The following DENND1A variants were observed in gnomAD, a reference collection of about 807,000 sequenced individuals.
DENND1A encodes the protein DENN domain containing 1A, also known as DENN domain-containing protein 1A.
Under a neutral mutation model 113.7 loss-of-function variants are expected in DENND1A, and 51 were observed. The observed-to-expected ratio is 0.45, with a 90% CI of 0.36 to 0.57. The LOEUF is 0.57. DENND1A is among the 20% of genes least tolerant of loss of function. The pLI, the probability that DENND1A is intolerant of heterozygous loss-of-function variation, is 0.00. For synonymous variants in DENND1A, 565 were observed against 570.8 expected (o/e 0.99, Z 0.14); for missense variants, 1,258 against 1,395.9 (o/e 0.90, Z 1.57).
intron 9 of DENND1A, among the ~76,000 whole-genome samples, chr9:123,637,157 C>T (rs2061748581): frequency 6.6e-6 from 1 of 152,226 alleles, no homozygotes; most frequent in South Asian, 2.1e-4. Flanking sequence ...ATCAAACCAA[C>T]ACCTGCTTCA....
chr9:123,594,272 A>G (rs904495473), intron 11 of DENND1A, among the ~76,000 whole-genome samples: 1 of 152,178 alleles, frequency 6.6e-6, no homozygotes, highest in Non-Finnish European at 1.5e-5. Context: ...TTACTGACAC[A>G]CACAACAACA....
chr9:123,718,245 G>T (rs1453885635), intron 5 of DENND1A, among the ~76,000 whole-genome samples: 2 of 152,330 alleles, frequency 1.3e-5, no homozygotes, highest in East Asian at 3.9e-4. Context: ...AAATGCATTA[G>T]TGTTAAGGTG....
intron 5 of DENND1A, among the ~76,000 whole-genome samples, chr9:123,711,177 T>C (rs1404308652): frequency 3.3e-5 from 5 of 151,786 alleles, no homozygotes; most frequent in Non-Finnish European, 5.9e-5. Context: ...TTAAAAAATA[T>C]ATAGAGGCCA....
chr9:123,756,800 G>A (rs2070594439), intron 5 of DENND1A, among the ~76,000 whole-genome samples: 2 of 152,176 alleles, frequency 1.3e-5, no homozygotes, highest in South Asian at 4.1e-4. Flanking sequence ...AGAGACTAGT[G>A]CCGCAGAGAG....
intron 5 of DENND1A, among the ~76,000 whole-genome samples, chr9:123,684,217 C>T (rs1469766218): frequency 6.6e-6 from 1 of 152,098 alleles, no homozygotes; most frequent in African/African-American, 2.4e-5. Context: ...ACACGTGAAC[C>T]CTTAAAATTG....
At chr9:123,467,954 C>G (rs1468733789) in intron 13 of DENND1A, among the ~76,000 whole-genome samples, 1 of 152,232 alleles carries the variant, frequency 6.6e-6, no homozygotes, top group East Asian at 1.9e-4. Flanking sequence ...TCCTGGCTGC[C>G]TTCTTCATGG....
intron 18 of DENND1A, among the ~76,000 whole-genome samples, chr9:123,443,013 G>T (rs1463713490): frequency 6.6e-6 from 1 of 152,162 alleles, no homozygotes; most frequent in African/African-American, 2.4e-5. Context: ...CTACCCCTGT[G>T]CTTTTCCAGA....
chr9:123,710,726 G>A (rs2066527293), intron 5 of DENND1A, among the ~76,000 whole-genome samples: 3 of 149,990 alleles, frequency 2.0e-5, no homozygotes, highest in Admixed American at 2.0e-4. Flanking sequence ...AGGCTGGAGT[G>A]CAGTAGCATG....
chr9:123,620,213 C>CAAAAAAAAAAAAAAAAAAAAA (rs34196587), intron 10 of DENND1A, among the ~76,000 whole-genome samples: 19 of 59,026 alleles, frequency 3.2e-4, no homozygotes, highest in South Asian at 7.0e-4. Context: ...GACTCCATCT[C>CAAAAAAAAAAAAAAAAAAAAA]AAAAAAAAAA....
chr9:123,867,792 T>C (rs980741658), intron 2 of DENND1A, among the ~76,000 whole-genome samples: 6 of 152,170 alleles, frequency 3.9e-5, no homozygotes, highest in Admixed American at 1.3e-4. Context: ...TATTGGTTCA[T>C]GAATGGGTAC....
intron 1 of DENND1A, among the ~76,000 whole-genome samples, chr9:123,922,528 C>G (rs1225878352): frequency 6.6e-6 from 1 of 152,228 alleles, no homozygotes; most frequent in Non-Finnish European, 1.5e-5. Flanking sequence ...AGAGATATCA[C>G]TGTTCTAAAC....
At chr9:123,446,349 G>C (rs1438151052) in intron 18 of DENND1A, among the ~76,000 whole-genome samples, 1 of 152,198 alleles carries the variant, frequency 6.6e-6, no homozygotes, top group East Asian at 1.9e-4. Context: ...AATGTGTCGG[G>C]AGACAGGGAG....
intron 12 of DENND1A, among the ~76,000 whole-genome samples, chr9:123,581,183 T>G (rs1215193920): frequency 6.6e-6 from 1 of 151,966 alleles, no homozygotes; most frequent in South Asian, 2.1e-4. Flanking sequence ...AAGACCATCC[T>G]CAGAGTGGCA....
chr9:123,852,083 A>G (rs1484715679), intron 2 of DENND1A, among the ~76,000 whole-genome samples: 1 of 152,134 alleles, frequency 6.6e-6, no homozygotes, highest in Non-Finnish European at 1.5e-5. Context: ...CCCCTTTTAA[A>G]CAATCAGTGT....
At chr9:123,564,745 CATTTAA>C (rs1194859286) in intron 12 of DENND1A, among the ~76,000 whole-genome samples, 3 of 152,170 alleles carry the variant, frequency 2.0e-5, no homozygotes, top group Admixed American at 2.0e-4. Context: ...CATTTCAATC[CATTTAA>C]ATTTAAATAG....
chr9:123,863,592 C>T (rs1331459696), intron 2 of DENND1A, among the ~76,000 whole-genome samples: 1 of 147,170 alleles, frequency 6.8e-6, no homozygotes, highest in East Asian at 2.0e-4. Context: ...TGGTTTCTAA[C>T]AAGTTAAAAA....
chr9:123,388,465 G>T (rs1444596602), intron 21 of DENND1A, among the ~76,000 whole-genome samples: 1 of 152,112 alleles, frequency 6.6e-6, no homozygotes, highest in Non-Finnish European at 1.5e-5. Flanking sequence ...ATTCCAATAA[G>T]CAGGAAGAAA....
At chr9:123,772,401 C>T (rs1829866054) in intron 3 of DENND1A, among the ~76,000 whole-genome samples, 1 of 152,160 alleles carries the variant, frequency 6.6e-6, no homozygotes, top group South Asian at 2.1e-4. Flanking sequence ...AGTCATTAAC[C>T]AGTTACCAAC....
intron 10 of DENND1A, among the ~76,000 whole-genome samples, chr9:123,629,732 C>T (rs138693846): frequency 1.3e-5 from 2 of 152,320 alleles, no homozygotes; most frequent in Non-Finnish European, 2.9e-5. Flanking sequence ...GACAGTTTAG[C>T]GCTGCCTGGC....
Sources: allele counts gnomAD v4.1 joint callset (sites outside exome capture counted in the v4.1 genomes callset), GRCh38; gene constraint gnomAD v4.1.1; transcripts MANE v1.5; gene names NCBI Gene and HGNC (gene_info 2026-07-23, HGNC 2026-07-21).